FAM3D: variants seen among roughly 807,000 people sequenced by gnomAD.
FAM3D encodes FAM3 metabolism regulating signaling molecule D.
A neutral mutation model predicts 29.8 loss-of-function variants in FAM3D; 26 were observed. That is an observed-to-expected ratio of 0.87 (90% CI 0.64 to 1.21). The LOEUF (loss-of-function observed/expected upper bound fraction) is 1.21, where lower values mean the gene tolerates loss of function less well. FAM3D is among the 50% of genes most tolerant of loss of function. FAM3D has a pLI of 0.00. For missense variants in FAM3D, 253 were observed against 290.9 expected (o/e 0.87, Z 0.95); for synonymous variants, 115 against 102.3 (o/e 1.12, Z -0.75).
chr3:58,661,716 C>T (rs112724588), intron 1 of FAM3D, among the ~76,000 whole-genome samples: 23 of 152,260 alleles, frequency 1.5e-4, no homozygotes, highest in African/African-American at 5.3e-4. Flanking sequence ...ATGGCCATCA[C>T]GATCTCTAAT....
chr3:58,660,050 G>C (rs1171323250), intron 1 of FAM3D, among the ~76,000 whole-genome samples: 1 of 152,220 alleles, frequency 6.6e-6, no homozygotes, highest in Non-Finnish European at 1.5e-5. Flanking sequence ...ATAGCAGGGG[G>C]TGAATTCTGT....
intron 1 of FAM3D, among the ~76,000 whole-genome samples, chr3:58,658,002 T>C (rs117953333): frequency 2.6e-5 from 4 of 152,078 alleles, no homozygotes; most frequent in Non-Finnish European, 4.4e-5. Context: ...AGGGGTGGTG[T>C]ATGTGCAAGT....
chr3:58,645,810 C>T (rs1158235957), intron 4 of FAM3D, among the ~76,000 whole-genome samples, 184 bp from the exon 5 acceptor site: 2 of 152,234 alleles, frequency 1.3e-5, no homozygotes, highest in Non-Finnish European at 2.9e-5. Context: ...ACAGTGCCTC[C>T]AACAGCCCCC....
Position 58,635,101 on chromosome 3 carries a change from G to A in FAM3D, c.586-733C>T, listed in dbSNP as rs1399684768. Among the ~76,000 whole-genome samples the A allele has an allele frequency of 6.6e-6, 1 of 152,180 alleles. No homozygotes were observed. The highest frequency in any genetic ancestry group is 2.4e-5 in the African/African-American group (1 of 41,440). Reference sequence around the variant, plus strand: ...GAGGCGGGAGGATCGCTTGAGCCCAGGAGGTCGAGGCTGCAGTGAGCCGAG... The same window carrying A: ...GAGGCGGGAGGATCGCTTGAGCCCAAGAGGTCGAGGCTGCAGTGAGCCGAG... On this transcript the variant is annotated intron_variant, in intron 9 of 9. Coordinates refer to ENST00000358781, the MANE Select transcript of FAM3D (RefSeq NM_138805.3). This position sits in a 1 kb window ranked among gnomAD's most constrained non-coding sequence, Gnocchi z 5.2.
intron 3 of FAM3D, among the ~76,000 whole-genome samples, chr3:58,651,519 T>G (rs2066636528): frequency 6.6e-6 from 1 of 152,206 alleles, no homozygotes; most frequent in South Asian, 2.1e-4. Flanking sequence ...TTTCTCTGAC[T>G]CAGACCATGA....
intron 5 of FAM3D, 22 bp downstream of exon 5, chr3:58,645,485 CAT>C: frequency 1.1e-6 from 1 of 911,062 alleles, no homozygotes; most frequent in Non-Finnish European, 1.7e-6. Context: ...ATAAAATAAA[CAT>C]AGTTGTGTCT....
intron 1 of FAM3D, among the ~76,000 whole-genome samples, chr3:58,660,663 T>A (rs770804378): frequency 2.0e-5 from 3 of 152,156 alleles, no homozygotes; most frequent in Non-Finnish European, 4.4e-5. Context: ...AATGGTAGAA[T>A]TATTGGGCCA....
At chr3:58,639,578 C>T (rs192598256) in intron 7 of FAM3D, among the ~76,000 whole-genome samples, 33 of 148,090 alleles carry the variant, frequency 2.2e-4, no homozygotes, top group Admixed American at 9.5e-4. Context: ...CCTTGCACAC[C>T]GCATGTGGGC....
At chr3:58,662,896 C>T (rs2066959315) in intron 1 of FAM3D, among the ~76,000 whole-genome samples, 1 of 152,182 alleles carries the variant, frequency 6.6e-6, no homozygotes, top group South Asian at 2.1e-4. Context: ...CCAGAGCCTT[C>T]CTAGCACTTT....
chr3:58,649,379 G>C (rs373705839), intron 3 of FAM3D, 41 bp from the exon 4 acceptor site: 1 of 1,613,330 alleles, frequency 6.2e-7, no homozygotes, highest in African/African-American at 1.3e-5. Flanking sequence ...AAAGCACTTC[G>C]GACCCTCCTG....
In FAM3D at chr3:58,634,519, T is replaced by G. The variant is rs986033997; in HGVS notation, c.586-151A>C. 2.0e-5 allele frequency: 13 copies of G among 636,300 alleles called. No individual in the cohort carries two copies. In the South Asian group the frequency reaches 2.4e-4, roughly 12 times the overall value. The allele number at this position is 636,300 out of a possible 1,614,324, so 39.4% of individuals were successfully genotyped here. ...GGGAAACTGAGGCTCAGAGAGGGGATGCAACTTGCTCAAGATCTCAGAGAT... is the reference window on the plus strand; with the variant it reads ...GGGAAACTGAGGCTCAGAGAGGGGAGGCAACTTGCTCAAGATCTCAGAGAT... On this transcript the variant is annotated intron_variant, in intron 9 of 9. Transcript: ENST00000358781. This position sits in a 1 kb window ranked among gnomAD's most constrained non-coding sequence, Gnocchi z 4.6.
intron 3 of FAM3D, 24 bp downstream of exon 3, chr3:58,653,650 C>T: frequency 6.2e-7 from 1 of 1,604,144 alleles, no homozygotes; most frequent in Middle Eastern, 1.8e-4. Context: ...GCAGTTCCTG[C>T]CCCCAGCAGT....
chr3:58,653,927 G>T, intron 2 of FAM3D, 146 bp from the exon 3 acceptor site: 2 of 689,896 alleles, frequency 2.9e-6, no homozygotes, highest in South Asian at 3.1e-5. Flanking sequence ...GGACCATGTG[G>T]TAAGATGTGT....
At chr3:58,657,383 A>G (rs956825467) in intron 1 of FAM3D, 1 of 147,410 alleles carries the variant, frequency 6.8e-6, no homozygotes, top group African/African-American at 2.5e-5. Context: ...GGTGGTGGGG[A>G]AGAGAGAGAG....
chr3:58,649,612 A>T (rs903467327), intron 3 of FAM3D, among the ~76,000 whole-genome samples: 1 of 152,258 alleles, frequency 6.6e-6, no homozygotes, highest in Admixed American at 6.5e-5. Context: ...ATGTATGCAT[A>T]GAGACACACA....
chr3:58,666,126 C>T (rs6445998), intron 1 of FAM3D, among the ~76,000 whole-genome samples: 121,116 of 152,136 alleles, frequency 0.8, 49,706 homozygotes, highest in Non-Finnish European at 0.9. Flanking sequence ...GTGTGGCTCA[C>T]TGTTGATCAT....
At chr3:58,636,664 T>G (rs917051422) in intron 8 of FAM3D, among the ~76,000 whole-genome samples, 2 of 152,154 alleles carry the variant, frequency 1.3e-5, no homozygotes, top group Non-Finnish European at 2.9e-5. Context: ...ACAAATACAA[T>G]ACACATTCAT....
chr3:58,659,872 A>G (rs1430165767), intron 1 of FAM3D, among the ~76,000 whole-genome samples: 3 of 152,184 alleles, frequency 2.0e-5, no homozygotes, highest in Admixed American at 1.3e-4. Context: ...TCTAGGACCT[A>G]ACTAGTCTCT....
intron 6 of FAM3D, among the ~76,000 whole-genome samples, chr3:58,641,306 C>T (rs1025956978): frequency 6.6e-6 from 1 of 151,676 alleles, no homozygotes. Context: ...GCAGTTGACT[C>T]GATCCAGGTT....
Sources: gnomAD v4.1 joint callset for allele counts (sites outside exome capture counted in the v4.1 genomes callset) on GRCh38, gnomAD v4.1.1 for gene constraint, Gnocchi (gnomAD v3.1) non-coding constraint, MANE v1.5 for transcripts, NCBI Gene and HGNC (gene_info 2026-07-23, HGNC 2026-07-21) for gene names.